The following PKHD1L1 variants were observed in gnomAD, a reference collection of about 807,000 sequenced individuals.
PKHD1L1 encodes the protein fibrocystin-L.
A neutral mutation model predicts 462.9 loss-of-function variants in PKHD1L1; 434 were observed. The ratio of observed to expected loss-of-function variants is 0.94; its 90% CI spans 0.87 to 1.02. The LOEUF is 1.02. Among genes scored for constraint, PKHD1L1 ranks in the 50% least tolerant of loss-of-function variants. The pLI is 0.00. For missense variants in PKHD1L1, 5,202 were observed against 5,096.1 expected (o/e 1.02, Z -0.63); for synonymous variants, 1,781 against 1,750.0 (o/e 1.02, Z -0.44).
intron 33 of PKHD1L1, 146 bp downstream of exon 33, chr8:109,440,998 G>A (rs1563545170): frequency 9.9e-7 from 1 of 1,006,852 alleles, no homozygotes; most frequent in East Asian, 2.5e-5. Flanking sequence ...TGGTTAAAGT[G>A]ATAAAGAGAA....
At chr8:109,493,795 T>G in intron 63 of PKHD1L1, 44 bp downstream of exon 63, 1 of 1,272,222 alleles carries the variant, frequency 7.9e-7, no homozygotes, top group Non-Finnish European at 1.1e-6. Flanking sequence ...GGAAATAACT[T>G]GTACAAAATT....
chr8:109,499,287 T>C (rs943006660), intron 67 of PKHD1L1: 2 of 153,012 alleles, frequency 1.3e-5, no homozygotes, highest in African/African-American at 2.4e-5. Flanking sequence ...TTATTTTCAT[T>C]TGGCCTATTA....
rs750345777 is a variant in PKHD1L1, at chr8:109,429,443, C to A, written c.3104C>A (p.Thr1035Lys). The A allele has an allele frequency of 3.7e-6, 6 of 1,608,136 alleles. No individual in the cohort carries two copies. Among genetic ancestry groups the A allele is most frequent in the Non-Finnish European group, 5.1e-6 (6 of 1,176,930 alleles). The change falls in exon 26 of 78, where the codon ACA (threonine) becomes AAA (lysine). Residue 1035 changes from threonine to lysine, a missense_variant. Physicochemically the swap from Thr to Lys is moderately conservative, Grantham distance 78. This residue lies in a region of PKHD1L1 where 4,497 missense variants were observed against 4,336.8 expected (regional missense o/e 1.04). Transcript: ENST00000378402. Reference protein sequence around the residue: ...RQHVLGDLLRTPSQQPQVEVY... With the variant: ...RQHVLGDLLRKPSQQPQVEVY... ...CATGTACTTGGAGACCTACTTCGTACACCCAGTCAACAGCCACAGGTATTT... is the reference window on the plus strand; with the variant it reads ...CATGTACTTGGAGACCTACTTCGTAAACCCAGTCAACAGCCACAGGTATTT...
chr8:109,504,604 A>G lies in PKHD1L1; in HGVS notation c.10994+112A>G, dbSNP rs556456858. 1.4e-5 allele frequency: 8 copies of G among 576,938 alleles called. No homozygotes were observed. The South Asian group carries it at 2.4e-4, about 17-fold the overall frequency. The allele number at this position is 576,938 out of a possible 1,614,324, so 35.7% of individuals were successfully genotyped here. A position where few individuals can be genotyped will look rare whatever the true frequency, so the allele number is the denominator to read the frequency against. On this transcript the variant is annotated intron_variant, in intron 68 of 77. Transcript: ENST00000378402. ...ATTAAAATAACTGCCAGTTTTTATG[A>G]TACTTTAATGAGCATTATGAAAATT...
At chr8:109,429,834 C>A in intron 26 of PKHD1L1, 98 bp from the exon 27 acceptor site, 2 of 825,522 alleles carry the variant, frequency 2.4e-6, no homozygotes, top group Non-Finnish European at 3.9e-6. Flanking sequence ...AGTAAATTAG[C>A]AAACCAACAA....
In PKHD1L1 at chr8:109,532,543, G is replaced by A. The variant is rs1382875900; in HGVS notation, c.*2453G>A. Among the ~76,000 whole-genome samples the A allele has an allele frequency of 1.3e-5, 2 of 152,030 alleles. No individual in the cohort carries two copies. The highest frequency in any genetic ancestry group is 2.9e-5 in the Non-Finnish European group (2 of 67,994). On this transcript the variant is annotated 3_prime_UTR_variant, in exon 78 of 78. Coordinates refer to ENST00000378402, the MANE Select transcript of PKHD1L1 (RefSeq NM_177531.6). ...AAAAATAATTTGTATTGTAAGAAGT[G>A]GCTATCTAGCTCTTGAACAAGTCAT...
chr8:109,377,341 C>G (rs1450083167), intron 2 of PKHD1L1, among the ~76,000 whole-genome samples: 2 of 152,034 alleles, frequency 1.3e-5, no homozygotes, highest in African/African-American at 4.8e-5. Context: ...ATCTACATCT[C>G]TGGGTTTACC....
At chr8:109,366,611 C>T (rs1380231890) in intron 2 of PKHD1L1, among the ~76,000 whole-genome samples, 2 of 150,928 alleles carry the variant, frequency 1.3e-5, no homozygotes, top group East Asian at 3.9e-4. Context: ...ATATTCTTAT[C>T]AAAAAAATTT....
rs1821004126 is a variant in PKHD1L1, at chr8:109,530,218, G to T, written c.*128G>T. On this transcript the variant is annotated 3_prime_UTR_variant, in exon 78 of 78. Coordinates refer to ENST00000378402, the MANE Select transcript of PKHD1L1 (RefSeq NM_177531.6). ...AAAATATTTTTATGATATATAAAAT[G>T]TACTAATTAGCTTTAAACACTAAAA... is the stretch of plus-strand genomic sequence containing the variant. 2.2e-6 allele frequency: 1 copy of T among 446,104 alleles called. No individual in the cohort carries two copies. Among genetic ancestry groups the T allele is most frequent in the Non-Finnish European group, 3.7e-6 (1 of 273,960 alleles). The allele number at this position is 446,104 out of a possible 1,614,324, so 27.6% of individuals were successfully genotyped here. A position where few individuals can be genotyped will look rare whatever the true frequency, so the allele number is the denominator to read the frequency against.
intron 2 of PKHD1L1, among the ~76,000 whole-genome samples, chr8:109,376,565 C>CA (rs1811845920): frequency 1.3e-5 from 2 of 152,142 alleles, no homozygotes; most frequent in Admixed American, 1.3e-4. Flanking sequence ...GTTGGAAATG[C>CA]AGAAATCACA....
At chr8:109,403,936 C>A (rs1813399306) in intron 14 of PKHD1L1, among the ~76,000 whole-genome samples, 1 of 152,004 alleles carries the variant, frequency 6.6e-6, no homozygotes, top group Non-Finnish European at 1.5e-5. Context: ...GAAGGCACTA[C>A]CTTGGGTACA....
In PKHD1L1 at chr8:109,464,250, GA is replaced by G; in HGVS notation, c.7419del (p.Tyr2474IlefsTer17). Reference sequence around the variant, plus strand: ...GCTGGCCAGGCTTTCCGGTTGGGGCGATATCCAATACATTGGCACCTGCTTG... The same window carrying G: ...GCTGGCCAGGCTTTCCGGTTGGGGCGTATCCAATACATTGGCACCTGCTTG... The part of the protein sequence containing the change: ...FHAGQAFRLG[R>X]YPIHWHLLGD... On this transcript the variant is annotated frameshift_variant, in exon 49 of 78. Transcript: ENST00000378402. LOFTEE classifies it high-confidence loss of function. 6.2e-7 allele frequency: 1 copy of G among 1,607,330 alleles called. No individual in the cohort carries two copies. The highest frequency in any genetic ancestry group is 8.5e-7 in the Non-Finnish European group (1 of 1,174,862).
intron 6 of PKHD1L1, among the ~76,000 whole-genome samples, chr8:109,387,943 C>A (rs1812518807): frequency 6.6e-6 from 1 of 152,128 alleles, no homozygotes; most frequent in African/African-American, 2.4e-5. Flanking sequence ...GACCCAATCA[C>A]CTGAGGAAAT....
At chr8:109,432,481 T>C (rs1386970386) in intron 27 of PKHD1L1, among the ~76,000 whole-genome samples, 1 of 152,208 alleles carries the variant, frequency 6.6e-6, no homozygotes, top group African/African-American at 2.4e-5. Flanking sequence ...GGTGATCATA[T>C]ATATATGATT....
chr8:109,504,977 A>C (rs1275789611), intron 68 of PKHD1L1, among the ~76,000 whole-genome samples: 1 of 152,120 alleles, frequency 6.6e-6, no homozygotes, highest in African/African-American at 2.4e-5. Flanking sequence ...GAGTTCAAGC[A>C]ATACTTCCAC....
intron 62 of PKHD1L1, among the ~76,000 whole-genome samples, chr8:109,492,787 G>A (rs1818898527): frequency 6.6e-6 from 1 of 151,786 alleles, no homozygotes; most frequent in Admixed American, 6.6e-5. Context: ...AAAAATAAGT[G>A]TGTTTGATAT....
chr8:109,474,409 A>T (rs1222915279), intron 50 of PKHD1L1, among the ~76,000 whole-genome samples: 1 of 152,176 alleles, frequency 6.6e-6, no homozygotes, highest in African/African-American at 2.4e-5. Context: ...TTCTCTTGTG[A>T]CCAAAGCATT....
chr8:109,375,223 C>T (rs1032517581), intron 2 of PKHD1L1, among the ~76,000 whole-genome samples: 19 of 152,154 alleles, frequency 1.2e-4, no homozygotes, highest in African/African-American at 4.3e-4. Context: ...TTTCTCTAAA[C>T]TTCTCTTCAC....
At position 109,449,475 on chromosome 8, in the gene PKHD1L1, C is replaced by T. The variant is rs751793496; in HGVS notation, c.6163C>T (p.Pro2055Ser). The T allele has an allele frequency of 1.3e-6, 2 of 1,592,608 alleles. No homozygotes were observed. Among genetic ancestry groups the T allele is most frequent in the Non-Finnish European group, 8.6e-7 (1 of 1,169,126 alleles). Reference sequence around the variant, plus strand: ...TTACACAACACTATTATGTGAAATTCCATCTAATAATGGTAAGTTGTCAGA... The same window carrying T: ...TTACACAACACTATTATGTGAAATTTCATCTAATAATGGTAAGTTGTCAGA... ...SDYTTLLCEI[P>S]SNNGTGAEQA... The change falls in exon 40 of 78, where the codon CCA (proline) becomes TCA (serine). Residue 2055 changes from proline to serine, a missense_variant. Physicochemically the swap from Pro to Ser is moderately conservative, Grantham distance 74. Transcript: ENST00000378402.
Sources: gnomAD v4.1 joint callset for allele counts (sites outside exome capture counted in the v4.1 genomes callset) on GRCh38, gnomAD v4.1.1 for gene constraint, gnomAD v4.1.1 regional missense constraint, MANE v1.5 for transcripts, NCBI Gene and HGNC (gene_info 2026-07-23, HGNC 2026-07-21) for gene names.